Variants in PHACTR1 observed in about 807,000 individuals in gnomAD.
PHACTR1 encodes the protein RPEL repeat containing 1.
Under a neutral mutation model 69.2 loss-of-function variants are expected in PHACTR1, and 16 were observed. The ratio of observed to expected loss-of-function variants is 0.23; its 90% CI spans 0.16 to 0.35. The LOEUF is 0.35. Ranked by LOEUF, PHACTR1 falls within the 10% of genes least tolerant of loss-of-function variation. PHACTR1 has a pLI of 1.00. For synonymous variants in PHACTR1, 312 were observed against 284.5 expected, an observed-to-expected ratio of 1.10 and a Z score of -0.97; for missense variants, 510 against 734.7, an observed-to-expected ratio of 0.69 and a Z score of 3.54.
At chr6:12,835,354 G>C (rs1778043020) in intron 4 of PHACTR1, among the ~76,000 whole-genome samples, 1 of 152,014 alleles carries the variant, frequency 6.6e-6, no homozygotes, top group South Asian at 2.1e-4. Context: ...GAGGAGGGTT[G>C]GACCGCTCCC....
intron 4 of PHACTR1, among the ~76,000 whole-genome samples, chr6:12,873,483 A>T (rs115051149): frequency 0.018 from 2,789 of 152,268 alleles, 85 homozygotes; most frequent in African/African-American, 0.064. Context: ...ATATAAACAC[A>T]TAAGTGCGTT....
At chr6:12,856,444 G>A (rs528054142) in intron 4 of PHACTR1, among the ~76,000 whole-genome samples, 161 of 151,864 alleles carry the variant, frequency 1.1e-3, no homozygotes, top group African/African-American at 3.6e-3. Context: ...TAGTAGATGC[G>A]GTGTTTCACC....
At chr6:13,254,233 T>C (rs930596194) in intron 10 of PHACTR1, among the ~76,000 whole-genome samples, 11 of 150,374 alleles carry the variant, frequency 7.3e-5, no homozygotes, top group Admixed American at 6.7e-4. Context: ...ATTTCAAAAA[T>C]AAAATAAATA....
chr6:13,195,838 T>C (rs1223563), intron 7 of PHACTR1, among the ~76,000 whole-genome samples: 37,913 of 150,334 alleles, frequency 0.25, 5,268 homozygotes, highest in Non-Finnish European at 0.3. Flanking sequence ...TCCACACTTA[T>C]TCCGTGTGTC....
chr6:12,822,895 G>C (rs1201168438), intron 4 of PHACTR1, among the ~76,000 whole-genome samples: 1 of 152,176 alleles, frequency 6.6e-6, no homozygotes, highest in East Asian at 1.9e-4. Flanking sequence ...TAGGGCAGCG[G>C]ACAATGCCGT....
At chr6:12,765,161 C>T (rs577294116) in intron 4 of PHACTR1, among the ~76,000 whole-genome samples, 3 of 152,270 alleles carry the variant, frequency 2.0e-5, no homozygotes, top group Non-Finnish European at 4.4e-5. Context: ...TGTTTATCAA[C>T]ATAAAACCTT....
intron 4 of PHACTR1, among the ~76,000 whole-genome samples, chr6:13,006,520 T>A (rs566908344): frequency 6.6e-6 from 1 of 152,304 alleles, no homozygotes; most frequent in South Asian, 2.1e-4. Flanking sequence ...ATGGAAATAC[T>A]GCTTCTATCT....
chr6:13,243,221 C>T (rs896372345), intron 10 of PHACTR1, among the ~76,000 whole-genome samples: 7 of 150,534 alleles, frequency 4.7e-5, no homozygotes, highest in Non-Finnish European at 4.4e-5. Flanking sequence ...ATGTGAACAA[C>T]TTCAACTTGA....
rs747341014 is a variant in PHACTR1 at position 13,206,086 on chromosome 6, G to A, written c.936G>A (p.Met312Ile). 1.5e-5 allele frequency: 24 copies of A among 1,612,864 alleles called. No homozygotes were observed. The highest frequency in any genetic ancestry group is 2.0e-5 in the Non-Finnish European group (24 of 1,179,352). ...SLPMHPSGCR[M>I]IDELNKTLAM... ...CCATGCACCCCTCGGGCTGCAGAATGATAGACGAGCTCAACAAAACGCTGG... is the reference window on the plus strand; with the variant it reads ...CCATGCACCCCTCGGGCTGCAGAATAATAGACGAGCTCAACAAAACGCTGG... The change falls in exon 8 of 15, where the codon ATG (methionine) becomes ATA (isoleucine). Residue 312 changes from methionine to isoleucine, a missense_variant. Coordinates refer to ENST00000332995, the MANE Select transcript of PHACTR1 (RefSeq NM_030948.6).
chr6:13,093,048 A>G (rs1188185232), intron 5 of PHACTR1, among the ~76,000 whole-genome samples: 1 of 152,208 alleles, frequency 6.6e-6, no homozygotes, highest in Non-Finnish European at 1.5e-5. Flanking sequence ...TCTGTCAGTG[A>G]CAAATTGGGG....
rs1773403759 is a variant in PHACTR1, at chr6:13,245,038, C to G, written c.1391+14845C>G. On this transcript the variant is annotated intron_variant, in intron 10 of 14. Transcript: ENST00000332995. This position sits in a 1 kb window ranked among gnomAD's most constrained non-coding sequence, Gnocchi z 4.1. ...ATCTTCACTATCCATGTTCTTCTGC[C>G]ATGGTTTCAGCCGGTCCCTCTGTTT... Among the ~76,000 whole-genome samples, 1 of 152,316 alleles carries G rather than the reference C, an allele frequency of 6.6e-6. No homozygotes were observed. The highest frequency in any genetic ancestry group is 1.5e-5 in the Non-Finnish European group (1 of 68,024).
chr6:12,730,555 G>GA (rs1380369188), intron 3 of PHACTR1, among the ~76,000 whole-genome samples: 1 of 151,740 alleles, frequency 6.6e-6, no homozygotes, highest in African/African-American at 2.4e-5. Context: ...AAAGGAAGAG[G>GA]AAAAAGGGAA....
intron 4 of PHACTR1, among the ~76,000 whole-genome samples, chr6:12,771,512 C>T (rs549640525): frequency 6.6e-6 from 1 of 152,280 alleles, no homozygotes; most frequent in South Asian, 2.1e-4. Flanking sequence ...AAATCATAAG[C>T]AGGTAAGATC....
chr6:12,867,865 A>C (rs1781615638), intron 4 of PHACTR1, among the ~76,000 whole-genome samples: 1 of 152,116 alleles, frequency 6.6e-6, no homozygotes, highest in South Asian at 2.1e-4. Flanking sequence ...GTGTGTGGGT[A>C]GACATATAAG....
intron 8 of PHACTR1, among the ~76,000 whole-genome samples, chr6:13,216,805 C>G (rs1281114007): frequency 6.6e-6 from 1 of 152,082 alleles, no homozygotes; most frequent in Non-Finnish European, 1.5e-5. Flanking sequence ...TGAGCAAGAC[C>G]CATCTTTCCC....
intron 4 of PHACTR1, among the ~76,000 whole-genome samples, chr6:13,034,023 C>CTT (rs9331376): frequency 6.7e-6 from 1 of 148,984 alleles, no homozygotes; most frequent in African/African-American, 2.5e-5. Context: ...TTTCTTTTTT[C>CTT]TTTTTTTTTT....
chr6:12,900,709 A>G (rs1785101522), intron 4 of PHACTR1, among the ~76,000 whole-genome samples: 2 of 152,178 alleles, frequency 1.3e-5, no homozygotes, highest in Admixed American at 1.3e-4. Context: ...AAATATATAT[A>G]CATATCAATT....
At chr6:13,134,143 C>T (rs775958485) in intron 5 of PHACTR1, among the ~76,000 whole-genome samples, 2 of 152,022 alleles carry the variant, frequency 1.3e-5, no homozygotes, top group African/African-American at 2.4e-5. Context: ...GCCTGGCAGC[C>T]GCCCCCTCCA....
intron 4 of PHACTR1, among the ~76,000 whole-genome samples, chr6:13,012,341 G>C (rs1202913433): frequency 6.6e-6 from 1 of 152,206 alleles, no homozygotes; most frequent in Non-Finnish European, 1.5e-5. Flanking sequence ...CGCCCAGTTG[G>C]AGGAGAGACT....
Sources: allele counts gnomAD v4.1 joint callset (sites outside exome capture counted in the v4.1 genomes callset), GRCh38; gene constraint gnomAD v4.1.1; non-coding constraint Gnocchi (gnomAD v3.1); transcripts MANE v1.5; gene names NCBI Gene and HGNC (gene_info 2026-07-23, HGNC 2026-07-21).